RP1L1: variants seen among roughly 807,000 people sequenced by gnomAD.
RP1L1 encodes RP1 like 1.
RP1L1 carries 27 observed loss-of-function variants against 15.7 expected under a neutral mutation model. That is an observed-to-expected ratio of 1.72 (90% CI 1.27 to 2.38). The LOEUF (loss-of-function observed/expected upper bound fraction) is 2.38. RP1L1 is among the 30% of genes most tolerant of loss of function. RP1L1 has a pLI of 0.00. For synonymous variants in RP1L1, 1,813 were observed against 1,276.7 expected, an observed-to-expected ratio of 1.42 and a Z score of -8.96; for missense variants, 4,798 against 3,075.9, an observed-to-expected ratio of 1.56 and a Z score of -13.24.
chr8:10,619,960 C>CAAAAAAA (rs34459240), intron 2 of RP1L1, among the ~76,000 whole-genome samples: 1 of 87,210 alleles, frequency 1.1e-5, no homozygotes. Flanking sequence ...GACTCCATCT[C>CAAAAAAA]AAAAAAAAAA....
rs771366725 is a variant in RP1L1, at chr8:10,609,216, G to A, written c.4882C>T (p.Pro1628Ser). 1 of 1,609,942 alleles carries A rather than the reference G, an allele frequency of 6.2e-7. No homozygotes were observed. The highest frequency in any genetic ancestry group is 8.5e-7 in the Non-Finnish European group (1 of 1,179,906). The change falls in exon 4 of 4, where the codon CCC becomes TCC. Residue 1628 changes from proline (P) to serine (S), a missense_variant. Transcript: ENST00000382483. Reference protein sequence around the residue: ...AFSERTLGLGPLSFTLEDEPA... With the variant: ...AFSERTLGLGSLSFTLEDEPA... ...TCGTCCTCCAGGGTGAAGGAGAGGG[G>A]CCCCAGGCCCAGGGTCCGCTCAGAG...
In RP1L1 at chr8:10,611,139, G is replaced by T; in HGVS notation, c.2959C>A (p.Leu987Met). The part of the protein sequence containing the change: ...DETTGAAGGG[L>M]RGPEVDPGDD... ...CCAGGGTCCACCTCGGGGCCTCTCA[G>T]GCCACCCCCAGCTGCACCTGTGGTC... Residue 987 changes from leucine to methionine, a missense_variant, in exon 4 of 4, where the codon CTG (leucine) becomes ATG (methionine). Coordinates refer to ENST00000382483, the MANE Select transcript of RP1L1 (RefSeq NM_178857.6). The T allele has an allele frequency of 6.2e-7, 1 of 1,612,928 alleles. No homozygotes were observed. Among genetic ancestry groups the T allele is most frequent in the Admixed American group, 1.7e-5 (1 of 60,034 alleles).
At chr8:10,643,419 G>C (rs112869421) in intron 1 of RP1L1, among the ~76,000 whole-genome samples, 6 of 152,282 alleles carry the variant, frequency 3.9e-5, no homozygotes, top group African/African-American at 1.4e-4. Flanking sequence ...TACACAGTCG[G>C]TCTCAGTGTT....
Position 10,608,690 on chromosome 8 carries a change from G to C in RP1L1, c.5408C>G (p.Thr1803Ser), listed in dbSNP as rs1432013455. 6.2e-7 allele frequency: 1 copy of C among 1,614,060 alleles called. No individual in the cohort carries two copies. Among genetic ancestry groups the C allele is most frequent in the African/African-American group, 1.3e-5 (1 of 74,916 alleles). The change falls in exon 4 of 4, where the codon ACT (threonine) becomes AGT (serine). Residue 1803 changes from threonine (T) to serine (S), a missense_variant. Thr to Ser is a moderately conservative substitution (Grantham distance 58). Coordinates refer to ENST00000382483, the MANE Select transcript of RP1L1 (RefSeq NM_178857.6). ...CTCATGCCCAGAGCCTTGACCCCCA[G>C]TTTCTCCCCTTTCACTTATGCCCTC... is the stretch of plus-strand genomic sequence containing the variant. The part of the protein sequence containing the change: ...EGEGISERGE[T>S]GGQGSGHEDN...
intron 2 of RP1L1, among the ~76,000 whole-genome samples, chr8:10,619,701 C>T (rs567180704): frequency 6.6e-6 from 1 of 152,100 alleles, no homozygotes; most frequent in South Asian, 2.1e-4. Flanking sequence ...CCAAGGTGGG[C>T]AGATCACCTG....
Position 10,608,948 on chromosome 8 carries a change from G to C in RP1L1, c.5150C>G (p.Pro1717Arg). ...EVAPGKTHTD[P>R]TSTRTVQGAE... ...TCCCTGGACAGTCCTAGTGCTCGTGGGGTCCGTGTGGGTCTTGCCAGGGGC... is the reference window on the plus strand; with the variant it reads ...TCCCTGGACAGTCCTAGTGCTCGTGCGGTCCGTGTGGGTCTTGCCAGGGGC... Residue 1717 changes from proline to arginine, a missense_variant, in exon 4 of 4, where the codon CCC becomes CGC. Coordinates refer to ENST00000382483, the MANE Select transcript of RP1L1 (RefSeq NM_178857.6). 1 of 1,613,858 alleles carries C rather than the reference G, an allele frequency of 6.2e-7. No homozygotes were observed. Among genetic ancestry groups the C allele is most frequent in the Middle Eastern group, 1.7e-4 (1 of 6,060 alleles).
intron 1 of RP1L1, among the ~76,000 whole-genome samples, chr8:10,632,249 G>A (rs1294511979): frequency 6.6e-6 from 1 of 152,160 alleles, no homozygotes; most frequent in Non-Finnish European, 1.5e-5. Context: ...CTTAGATTTA[G>A]CTATAACTGG....
chr8:10,629,434 G>A lies in RP1L1; in HGVS notation c.-19-6214C>T, dbSNP rs527973732. Among the ~76,000 whole-genome samples the A allele has an allele frequency of 1.1e-4, 16 of 152,324 alleles. 1 individual carries two copies. The highest frequency in any genetic ancestry group is 3.8e-4 in the African/African-American group (16 of 41,588). ...AGGAATAGGGAGAAGCTGGAGAGGA[G>A]GAATGGACTCGATTTCTTTGGGGTG... On this transcript the variant is annotated intron_variant, in intron 1 of 3. Transcript: ENST00000382483.
At chr8:10,646,720 G>A (rs1253635082) in intron 1 of RP1L1, among the ~76,000 whole-genome samples, 2 of 152,176 alleles carry the variant, frequency 1.3e-5, no homozygotes, top group Admixed American at 6.5e-5. Context: ...GAGGACAGCT[G>A]TAAACCAGCT....
intron 1 of RP1L1, among the ~76,000 whole-genome samples, chr8:10,625,072 G>A (rs531517878): frequency 1.3e-5 from 2 of 152,212 alleles, no homozygotes; most frequent in South Asian, 2.1e-4. Context: ...TTCAGAAGCC[G>A]GACTGAGGGT....
rs1486394574 is a variant in RP1L1, at chr8:10,622,950, G to A, written c.252C>T (p.Pro84=). The A allele has an allele frequency of 3.7e-6, 6 of 1,614,116 alleles. No individual in the cohort carries two copies. The South Asian group carries it at 4.4e-5, about 12-fold the overall frequency. The part of the protein sequence containing the change: ...LSFGVRSVTT[P]RGLHSLSALE... ...GGGCGCTGAGGCTATGCAGGCCCCG[G>A]GGTGTGGTGACAGAGCGCACCCCAA... The change falls in exon 2 of 4, where the codon CCC becomes CCT. Residue 84 remains proline, a synonymous_variant. Coordinates refer to ENST00000382483, the MANE Select transcript of RP1L1 (RefSeq NM_178857.6).
intron 1 of RP1L1, among the ~76,000 whole-genome samples, chr8:10,627,132 G>C (rs1798171039): frequency 6.6e-6 from 1 of 152,062 alleles, no homozygotes; most frequent in South Asian, 2.1e-4. Context: ...CCCATTTGTG[G>C]GTATCTCCCC....
chr8:10,653,704 A>G (rs1275715403), intron 1 of RP1L1, among the ~76,000 whole-genome samples: 1 of 152,198 alleles, frequency 6.6e-6, no homozygotes, highest in Non-Finnish European at 1.5e-5. Flanking sequence ...AACGGCAACC[A>G]GCTCTCCTCG....
In RP1L1 at chr8:10,622,884, A is replaced by G. The variant is rs1478929206; in HGVS notation, c.318T>C (p.Asp106=). 7 of 1,613,500 alleles carry G rather than the reference A, an allele frequency of 4.3e-6. No individual in the cohort carries two copies. Among genetic ancestry groups the G allele is most frequent in the Admixed American group, 1.7e-5 (1 of 59,980 alleles). ...CACTGGGGGTCTTGGGGGGCTTCTT[A>G]TCAGAGCAGAGGTAGCAGCCTCCAT... is the stretch of plus-strand genomic sequence containing the variant. ...LEDGGCYLCS[D]KKPPKTPSGP... Residue 106 remains aspartate (D), a synonymous_variant, in exon 2 of 4, where the codon GAT becomes GAC. Transcript: ENST00000382483.
At chr8:10,633,655 C>T (rs996866149) in intron 1 of RP1L1, among the ~76,000 whole-genome samples, 5 of 152,140 alleles carry the variant, frequency 3.3e-5, no homozygotes, top group East Asian at 3.9e-4. Flanking sequence ...TCATTTGAGT[C>T]CACCATCCAC....
At chr8:10,650,864 G>C (rs1023486608) in intron 1 of RP1L1, among the ~76,000 whole-genome samples, 2 of 152,170 alleles carry the variant, frequency 1.3e-5, no homozygotes, top group African/African-American at 4.8e-5. Flanking sequence ...ACCACACTCA[G>C]CTGACTCTGT....
At chr8:10,629,085 C>T (rs1041171848) in intron 1 of RP1L1, among the ~76,000 whole-genome samples, 8 of 152,188 alleles carry the variant, frequency 5.3e-5, no homozygotes, top group African/African-American at 1.9e-4. Flanking sequence ...GACAGCTGAG[C>T]AGGAAAGAGA....
Position 10,608,374 on chromosome 8 carries a change from G to C in RP1L1, c.5724C>G (p.Ala1908=). Residue 1908 remains alanine, a synonymous_variant, in exon 4 of 4, where the codon GCC becomes GCG. Coordinates refer to ENST00000382483, the MANE Select transcript of RP1L1 (RefSeq NM_178857.6). The part of the protein sequence containing the change: ...EVQPESEGAE[A]PEAEKEAQPE... ...GCTGGGCCTCCTTTTCTGCCTCCGGGGCTTCTGCACCTTCTGACTCTGGCT... is the reference window on the plus strand; with the variant it reads ...GCTGGGCCTCCTTTTCTGCCTCCGGCGCTTCTGCACCTTCTGACTCTGGCT... 6.2e-7 allele frequency: 1 copy of C among 1,611,852 alleles called. No homozygotes were observed. The highest frequency in any genetic ancestry group is 1.1e-5 in the South Asian group (1 of 90,960).
In RP1L1 at chr8:10,612,609, C is replaced by T. The variant is rs1284776658; in HGVS notation, c.1489G>A (p.Gly497Arg). ...AQIGAERKAG[G>R]SLGEDPGLCI... ...AGGCCGGGGTCCTCACCCAGGCTCC[C>T]TCCAGCTTTCCGCTCAGCCCCTATC... The change falls in exon 4 of 4, where the codon GGG becomes AGG. Residue 497 changes from glycine (G) to arginine (R), a missense_variant. By Grantham distance (125) the Gly-to-Arg change is moderately radical. Coordinates refer to ENST00000382483, the MANE Select transcript of RP1L1 (RefSeq NM_178857.6). The T allele has an allele frequency of 6.2e-7, 1 of 1,602,448 alleles. No individual in the cohort carries two copies. The highest frequency in any genetic ancestry group is 1.3e-5 in the African/African-American group (1 of 74,722).
Sources: allele counts gnomAD v4.1 joint callset (sites outside exome capture counted in the v4.1 genomes callset), GRCh38; gene constraint gnomAD v4.1.1; transcripts MANE v1.5; gene names NCBI Gene and HGNC (gene_info 2026-07-23, HGNC 2026-07-21).